RUBCNL: variants seen among roughly 807,000 people sequenced by gnomAD.
RUBCNL encodes rubicon like autophagy enhancer, also known as protein associated with UVRAG as autophagy enhancer.
A neutral mutation model predicts 69.5 loss-of-function variants in RUBCNL; 62 were observed. That is an observed-to-expected ratio of 0.89 (90% confidence interval 0.73 to 1.10). The LOEUF is 1.10. RUBCNL is among the 50% of genes least tolerant of loss of function. The probability of loss-of-function intolerance (pLI) is 0.00; values close to 1 mark genes in which losing one functional copy is unlikely to be tolerated. For missense variants in RUBCNL, 768 were observed against 798.1 expected, an observed-to-expected ratio of 0.96 and a Z score of 0.45; for synonymous variants, 291 against 303.6, an observed-to-expected ratio of 0.96 and a Z score of 0.43.
intron 2 of RUBCNL, 35 bp from the exon 3 acceptor site, chr13:46,372,632 G>T: frequency 7.0e-7 from 1 of 1,422,698 alleles, no homozygotes. Flanking sequence ...AAATAAGTAA[G>T]AATTCAATTG....
rs1211965642 is a variant in RUBCNL at position 46,342,698 on chromosome 13, T to C, written c.*687A>G. The stretch of plus-strand genomic sequence containing the variant: ...ACTTCTGCATCCCTTGACATTGCAG[T>C]GTGTGGAACAGAGATGACAAATACA... On this transcript the variant is annotated 3_prime_UTR_variant, in exon 15 of 15. Transcript: ENST00000429979. The C allele has an allele frequency of 6.6e-6, 1 of 152,232 alleles. No homozygotes were observed. Among genetic ancestry groups the C allele is most frequent in the Non-Finnish European group, 1.5e-5 (1 of 68,054 alleles). 9.4% of individuals were successfully genotyped at this position (152,232 alleles called of 1,614,324 possible). A position where few individuals can be genotyped will look rare whatever the true frequency, so the allele number is the denominator to read the frequency against.
rs1330869479 is a variant in RUBCNL at position 46,336,096 on chromosome 13, G to A, written c.*7289C>T. 6.6e-6 allele frequency among the ~76,000 whole-genome samples: 1 copy of A among 152,252 alleles called. No homozygotes were observed. Among genetic ancestry groups the A allele is most frequent in the Non-Finnish European group, 1.5e-5 (1 of 68,042 alleles). On this transcript the variant is annotated 3_prime_UTR_variant, in exon 15 of 15. Coordinates refer to ENST00000429979, the MANE Select transcript of RUBCNL (RefSeq NM_025113.5). Reference sequence around the variant, plus strand: ...GAAGGGGAGAAATCACAAATGTCATGATGTTTCCGGGTTCCAAAGCTTCCA... The same window carrying A: ...GAAGGGGAGAAATCACAAATGTCATAATGTTTCCGGGTTCCAAAGCTTCCA...
chr13:46,387,668 G>A (rs1006500819), upstream of RUBCNL: 1 of 985,564 alleles, frequency 1.0e-6, no homozygotes, highest in African/African-American at 1.7e-5. Context: ...AAATCGACCT[G>A]CAACTTACCC....
intron 10 of RUBCNL, among the ~76,000 whole-genome samples, chr13:46,353,027 C>T (rs1204096677): frequency 6.6e-6 from 1 of 152,156 alleles, no homozygotes. Flanking sequence ...GCCACACGAA[C>T]AGTATGTAGG....
At chr13:46,363,086 G>A (rs2048668764) in intron 6 of RUBCNL, 29 bp downstream of exon 6, 3 of 1,427,874 alleles carry the variant, frequency 2.1e-6, no homozygotes, top group Non-Finnish European at 2.9e-6. Context: ...GAGGCAGCCA[G>A]TCACATCCAA....
chr13:46,353,927 A>C (rs2138709675), intron 10 of RUBCNL, among the ~76,000 whole-genome samples: 1 of 152,334 alleles, frequency 6.6e-6, no homozygotes, highest in Non-Finnish European at 1.5e-5. Context: ...AGCCAGGTGG[A>C]CTAGTGCTAC....
At chr13:46,381,692 T>C (rs1314534700) in intron 1 of RUBCNL, among the ~76,000 whole-genome samples, 1 of 152,104 alleles carries the variant, frequency 6.6e-6, no homozygotes, top group Admixed American at 6.5e-5. Flanking sequence ...AAGTGATTCT[T>C]CTGCCTCAGC....
chr13:46,345,716 A>G lies in RUBCNL; in HGVS notation c.1632-116T>C, dbSNP rs2048232838. On this transcript the variant is annotated intron_variant, in intron 12 of 14. Transcript: ENST00000429979. ...ACTTAATTTTTTTTTAACTCAATTT[A>G]AAAAATAAATAGCTCCAAGAACAAC... The G allele has an allele frequency of 3.0e-6, 3 of 1,011,952 alleles. No homozygotes were observed. In the East Asian group the frequency reaches 8.0e-5, roughly 27 times the overall value. The allele number at this position is 1,011,952 out of a possible 1,614,324, so 62.7% of individuals were successfully genotyped here.
intron 4 of RUBCNL, 55 bp from the exon 5 acceptor site, chr13:46,368,304 G>C (rs1022594779): frequency 2.5e-5 from 38 of 1,529,278 alleles, no homozygotes; most frequent in Admixed American, 2.2e-4. Context: ...TTCATGGAGG[G>C]TATATTAGAT....
In RUBCNL at chr13:46,359,547, C is replaced by A; in HGVS notation, c.1204G>T (p.Gly402Trp). 6.3e-7 allele frequency: 1 copy of A among 1,594,036 alleles called. No individual in the cohort carries two copies. The highest frequency in any genetic ancestry group is 8.6e-7 in the Non-Finnish European group (1 of 1,169,408). ...QEIKFKSRIR[G>W]TEDWAPPRFQ... is the part of the protein sequence containing the mutation. ...CTAGGAGGAGCCCAGTCTTCAGTCC[C>A]TCTGATCCTAGACTTAAATTTAATT... Residue 402 changes from glycine (G) to tryptophan (W), a missense_variant, in exon 9 of 15, where the codon GGG becomes TGG. Coordinates refer to ENST00000429979, the MANE Select transcript of RUBCNL (RefSeq NM_025113.5).
Position 46,372,336 on chromosome 13 carries a change from A to T in RUBCNL, c.140T>A (p.Met47Lys). Residue 47 changes from methionine (M) to lysine (K), a missense_variant, in exon 3 of 15, where the codon ATG (methionine) becomes AAG (lysine). Physicochemically the swap from Met to Lys is moderately conservative, Grantham distance 95 (BLOSUM62 -1). Transcript: ENST00000429979. ...GTTAATCCAGACAGCTTTGTGCCTC[A>T]TGAGCCTGATGTCTAATTGGCAAGG... The part of the protein sequence containing the change: ...HPPCQLDIRL[M>K]RHKAVWINPQ... The T allele has an allele frequency of 6.2e-7, 1 of 1,614,000 alleles. No individual in the cohort carries two copies.
intron 3 of RUBCNL, among the ~76,000 whole-genome samples, chr13:46,370,137 G>A (rs754693654): frequency 6.6e-6 from 1 of 152,176 alleles, no homozygotes; most frequent in Non-Finnish European, 1.5e-5. Context: ...GAGAAGAATC[G>A]GAACAGAGTG....
At chr13:46,346,325 T>A (rs2048244953) in intron 12 of RUBCNL, among the ~76,000 whole-genome samples, 1 of 152,124 alleles carries the variant, frequency 6.6e-6, no homozygotes, top group Non-Finnish European at 1.5e-5. Context: ...GCCTGGAGAA[T>A]CCCCAATCCC....
Position 46,359,515 on chromosome 13 carries a change from T to A in RUBCNL, c.1236A>T (p.Gln412His). The A allele has an allele frequency of 6.2e-7, 1 of 1,600,306 alleles. No individual in the cohort carries two copies. Among genetic ancestry groups the A allele is most frequent in the Middle Eastern group, 1.7e-4 (1 of 5,952 alleles). ...GTEDWAPPRF[Q>H]IIFNIHPPLK... is the part of the protein sequence containing the mutation. ...GTGGTGGATGAATATTAAATATGATTTGAAATCTAGGAGGAGCCCAGTCTT... is the reference window on the plus strand; with the variant it reads ...GTGGTGGATGAATATTAAATATGATATGAAATCTAGGAGGAGCCCAGTCTT... The change falls in exon 9 of 15, where the codon CAA becomes CAT. Residue 412 changes from glutamine to histidine, a missense_variant. Transcript: ENST00000429979.
At chr13:46,349,827 C>T (rs952704291) in intron 11 of RUBCNL, among the ~76,000 whole-genome samples, 1 of 151,904 alleles carries the variant, frequency 6.6e-6, no homozygotes, top group Non-Finnish European at 1.5e-5. Flanking sequence ...CAGGCGTGTG[C>T]TACTATACCT....
chr13:46,367,583 A>C (rs956828738), intron 5 of RUBCNL, among the ~76,000 whole-genome samples: 1 of 152,222 alleles, frequency 6.6e-6, no homozygotes, highest in Non-Finnish European at 1.5e-5. Context: ...TGAGGATTAC[A>C]GAGGTTACTC....
chr13:46,359,381 T>C lies in RUBCNL; in HGVS notation c.1265+105A>G, dbSNP rs546754222. 7.6e-6 allele frequency: 7 copies of C among 921,194 alleles called. No individual in the cohort carries two copies. In the East Asian group the frequency reaches 1.8e-4, roughly 24 times the overall value. 57.1% of individuals were successfully genotyped at this position (921,194 alleles called of 1,614,324 possible). A position where few individuals can be genotyped will look rare whatever the true frequency, so the allele number is the denominator to read the frequency against. On this transcript the variant is annotated intron_variant, in intron 9 of 14. Coordinates refer to ENST00000429979, the MANE Select transcript of RUBCNL (RefSeq NM_025113.5). ...TTTCCCTAAAACAAATTTTCCTGTG[T>C]TCTTTAGCATATGTATTTTTTTCAC... is the stretch of plus-strand genomic sequence containing the variant.
chr13:46,386,195 G>A (rs145159430), intron 1 of RUBCNL, among the ~76,000 whole-genome samples: 3 of 152,122 alleles, frequency 2.0e-5, no homozygotes, highest in Non-Finnish European at 4.4e-5. Context: ...CACACAGTGG[G>A]GTATGGCTGG....
In RUBCNL at chr13:46,335,277, T is replaced by G. The variant is rs557715773; in HGVS notation, c.*8108A>C. 1.3e-3 allele frequency among the ~76,000 whole-genome samples: 197 copies of G among 147,534 alleles called. 1 individual carries two copies. Among genetic ancestry groups the G allele is most frequent in the African/African-American group, 4.6e-3 (185 of 39,798 alleles). On this transcript the variant is annotated 3_prime_UTR_variant, in exon 15 of 15. Transcript: ENST00000429979. ...TTGTTGTTGTTTTTTTTTTTTTTTTTTTTTTTTTAAGAGACAGGGTCTCGC... is the reference window on the plus strand; with the variant it reads ...TTGTTGTTGTTTTTTTTTTTTTTTTGTTTTTTTTAAGAGACAGGGTCTCGC...
Sources: gnomAD v4.1 joint callset for allele counts (sites outside exome capture counted in the v4.1 genomes callset) on GRCh38, gnomAD v4.1.1 for gene constraint, MANE v1.5 for transcripts, NCBI Gene and HGNC (gene_info 2026-07-23, HGNC 2026-07-21) for gene names.